MAPKAP1: variants seen among roughly 807,000 people sequenced by gnomAD.
The protein encoded by MAPKAP1 is target of rapamycin complex 2 subunit MAPKAP1.
Under a neutral mutation model 65.7 loss-of-function variants are expected in MAPKAP1, and 20 were observed. The ratio of observed to expected loss-of-function variants is 0.30; its 90% CI spans 0.21 to 0.44. The LOEUF is 0.44. Ranked by LOEUF, MAPKAP1 falls within the 20% of genes least tolerant of loss-of-function variation. MAPKAP1 has a pLI of 1.00. For missense variants in MAPKAP1, 423 were observed against 648.0 expected (o/e 0.65, Z 3.77); for synonymous variants, 222 against 244.3 (o/e 0.91, Z 0.85).
chr9:125,514,163 C>T (rs1564537802), intron 7 of MAPKAP1, among the ~76,000 whole-genome samples: 1 of 152,186 alleles, frequency 6.6e-6, no homozygotes, highest in Non-Finnish European at 1.5e-5. Flanking sequence ...TCCCTCTTCC[C>T]TCTTCTTCAC....
rs191506356 is a variant in MAPKAP1 at position 125,460,526 on chromosome 9, A to G, written c.1345+7446T>C. 9.8e-5 allele frequency among the ~76,000 whole-genome samples: 15 copies of G among 152,320 alleles called. No individual in the cohort carries two copies. In the East Asian group the frequency reaches 2.9e-3, roughly 29 times the overall value. On this transcript the variant is annotated intron_variant, in intron 10 of 11. Transcript: ENST00000265960. ...AAACATACACATAACGTCCCCTATGAGCAACTCTAGTGCCTGATGACGAAT... is the reference window on the plus strand; with the variant it reads ...AAACATACACATAACGTCCCCTATGGGCAACTCTAGTGCCTGATGACGAAT...
chr9:125,576,713 G>T (rs1831413613), intron 5 of MAPKAP1, among the ~76,000 whole-genome samples: 1 of 152,266 alleles, frequency 6.6e-6, no homozygotes, highest in Non-Finnish European at 1.5e-5. Flanking sequence ...TGGAGACGGG[G>T]TTTCGCTGTG....
At chr9:125,497,335 G>A (rs996714507) in intron 8 of MAPKAP1, among the ~76,000 whole-genome samples, 1 of 152,186 alleles carries the variant, frequency 6.6e-6, no homozygotes, top group Admixed American at 6.5e-5. Context: ...ATCAAAGGAA[G>A]CTGAATTAAT....
At chr9:125,526,224 C>T (rs1829763540) in intron 7 of MAPKAP1, among the ~76,000 whole-genome samples, 1 of 152,238 alleles carries the variant, frequency 6.6e-6, no homozygotes, top group South Asian at 2.1e-4. Context: ...CCTATGACCT[C>T]TTCTGTACCT....
At chr9:125,468,858 A>G (rs1280181477) in intron 9 of MAPKAP1, among the ~76,000 whole-genome samples, 2 of 152,240 alleles carry the variant, frequency 1.3e-5, no homozygotes, top group Admixed American at 1.3e-4. Flanking sequence ...TTCAGAGCTT[A>G]AAAGACAACA....
chr9:125,621,326 C>T (rs1832892926), intron 4 of MAPKAP1, among the ~76,000 whole-genome samples: 1 of 151,944 alleles, frequency 6.6e-6, no homozygotes, highest in Non-Finnish European at 1.5e-5. Flanking sequence ...TTATTGAGTG[C>T]TTACTTCATG....
chr9:125,612,603 A>G (rs1376689727), intron 4 of MAPKAP1, among the ~76,000 whole-genome samples: 1 of 152,210 alleles, frequency 6.6e-6, no homozygotes, highest in Non-Finnish European at 1.5e-5. Flanking sequence ...TGAACAGGCC[A>G]GCATTCATGT....
chr9:125,626,616 G>C (rs960856191), intron 4 of MAPKAP1, among the ~76,000 whole-genome samples: 8 of 152,224 alleles, frequency 5.3e-5, no homozygotes, highest in Non-Finnish European at 8.8e-5. Context: ...GATCAGCGCA[G>C]ACACAGAGGA....
chr9:125,621,059 C>G, intron 4 of MAPKAP1, among the ~76,000 whole-genome samples: 1 of 152,064 alleles, frequency 6.6e-6, no homozygotes. Context: ...ACTGGTTGAG[C>G]GCAGGAGTTT....
intron 7 of MAPKAP1, among the ~76,000 whole-genome samples, chr9:125,507,440 G>A (rs754721365): frequency 3.9e-5 from 6 of 152,162 alleles, no homozygotes; most frequent in Non-Finnish European, 5.9e-5. Flanking sequence ...GCTCCCAGGC[G>A]GAACACGTAT....
At chr9:125,453,841 T>C (rs1853056257) in intron 10 of MAPKAP1, among the ~76,000 whole-genome samples, 1 of 152,240 alleles carries the variant, frequency 6.6e-6, no homozygotes, top group Non-Finnish European at 1.5e-5. Context: ...GAAAAGTCTT[T>C]AAGCGATGAG....
intron 8 of MAPKAP1, among the ~76,000 whole-genome samples, chr9:125,501,355 T>C (rs1828974828): frequency 6.6e-6 from 1 of 152,360 alleles, no homozygotes; most frequent in Non-Finnish European, 1.5e-5. Context: ...TGTGCACTGC[T>C]AGAATAAACC....
At chr9:125,618,212 C>T (rs1041488993) in intron 4 of MAPKAP1, among the ~76,000 whole-genome samples, 3 of 151,536 alleles carry the variant, frequency 2.0e-5, no homozygotes, top group African/African-American at 4.8e-5. Flanking sequence ...TGTGGTGGCA[C>T]GCACCTGTAG....
intron 8 of MAPKAP1, among the ~76,000 whole-genome samples, chr9:125,488,985 T>C (rs553495743): frequency 2.5e-4 from 38 of 152,358 alleles, no homozygotes; most frequent in African/African-American, 8.9e-4. Context: ...GTTTACTGTT[T>C]GTATCTTTCC....
At chr9:125,472,897 T>C (rs1419513242) in intron 9 of MAPKAP1, among the ~76,000 whole-genome samples, 1 of 152,202 alleles carries the variant, frequency 6.6e-6, no homozygotes, top group Non-Finnish European at 1.5e-5. Flanking sequence ...AAGATAAACA[T>C]TTCACGAAAA....
intron 6 of MAPKAP1, among the ~76,000 whole-genome samples, chr9:125,550,616 T>C (rs1336034908): frequency 6.6e-6 from 1 of 152,218 alleles, no homozygotes; most frequent in East Asian, 1.9e-4. Flanking sequence ...AATTAATGCT[T>C]TCCATCTTTA....
intron 1 of MAPKAP1, among the ~76,000 whole-genome samples, chr9:125,684,434 T>A (rs1270763588): frequency 6.6e-6 from 1 of 152,140 alleles, no homozygotes; most frequent in Admixed American, 6.5e-5. Flanking sequence ...ATATGAATAA[T>A]GCCAAGCTTG....
intron 7 of MAPKAP1, 26 bp from the exon 8 acceptor site, chr9:125,506,443 G>A (rs1356396121): frequency 1.9e-6 from 3 of 1,585,402 alleles, no homozygotes; most frequent in South Asian, 1.1e-5. Context: ...GGCAGGAGGA[G>A]GGGAGGAAGT....
chr9:125,500,487 CG>C (rs1484132738), intron 8 of MAPKAP1, among the ~76,000 whole-genome samples: 1 of 152,150 alleles, frequency 6.6e-6, no homozygotes, highest in East Asian at 1.9e-4. Flanking sequence ...GCCATCACGC[CG>C]GCCCCCATTT....
Sources: gnomAD v4.1 joint callset for allele counts (sites outside exome capture counted in the v4.1 genomes callset) on GRCh38, gnomAD v4.1.1 for gene constraint, MANE v1.5 for transcripts, NCBI Gene and HGNC (gene_info 2026-07-23, HGNC 2026-07-21) for gene names.